CRADD: variants seen among roughly 807,000 people sequenced by gnomAD.
CRADD encodes the protein CARD and death domain containing adaptor protein.
Under a neutral mutation model 15.5 loss-of-function variants are expected in CRADD, and 9 were observed. The observed-to-expected ratio is 0.58, with a 90% CI of 0.35 to 1.01. The LOEUF is 1.01. CRADD is among the 50% of genes least tolerant of loss of function. CRADD has a pLI of 0.02. For synonymous variants in CRADD, 118 were observed against 107.6 expected, an observed-to-expected ratio of 1.10 and a Z score of -0.60; for missense variants, 227 against 250.3, an observed-to-expected ratio of 0.91 and a Z score of 0.63.
intron 2 of CRADD, among the ~76,000 whole-genome samples, chr12:93,687,438 C>G (rs960835813): frequency 6.6e-6 from 1 of 152,172 alleles, no homozygotes; most frequent in African/African-American, 2.4e-5. Flanking sequence ...TGCCCAGGCT[C>G]TACTCCAGGT....
At chr12:93,835,261 T>C (rs1488487413) in intron 2 of CRADD, among the ~76,000 whole-genome samples, 1 of 152,228 alleles carries the variant, frequency 6.6e-6, no homozygotes, top group East Asian at 1.9e-4. Context: ...TTATTCCCCT[T>C]AGAATTTTGG....
At chr12:93,844,686 C>A (rs1265369760) in intron 2 of CRADD, among the ~76,000 whole-genome samples, 2 of 152,214 alleles carry the variant, frequency 1.3e-5, no homozygotes, top group East Asian at 1.9e-4. Flanking sequence ...AGCAGAAACA[C>A]AGACACTCCC....
chr12:93,787,114 A>G (rs1034349074), intron 2 of CRADD, among the ~76,000 whole-genome samples: 6 of 148,648 alleles, frequency 4.0e-5, no homozygotes, highest in Admixed American at 2.7e-4. Context: ...AGCCCTTAGC[A>G]CATTCTGCTG....
At chr12:93,758,884 C>G (rs1956919656) in intron 2 of CRADD, among the ~76,000 whole-genome samples, 1 of 152,128 alleles carries the variant, frequency 6.6e-6, no homozygotes, top group Non-Finnish European at 1.5e-5. Context: ...AAACTTGAGG[C>G]TGGGACTGTT....
intron 2 of CRADD, among the ~76,000 whole-genome samples, chr12:93,858,575 A>G (rs979377354): frequency 2.0e-5 from 3 of 152,224 alleles, no homozygotes; most frequent in Non-Finnish European, 4.4e-5. Flanking sequence ...CCTCCAAAGC[A>G]GCCTCAGAAG....
chr12:93,749,855 C>T (rs1446533296), intron 2 of CRADD, among the ~76,000 whole-genome samples: 2 of 152,208 alleles, frequency 1.3e-5, no homozygotes, highest in Admixed American at 6.5e-5. Flanking sequence ...ATTTCAAGTC[C>T]GTTAGGGGCA....
At chr12:93,681,927 T>G (rs755473592) in intron 2 of CRADD, among the ~76,000 whole-genome samples, 11 of 152,162 alleles carry the variant, frequency 7.2e-5, no homozygotes, top group South Asian at 2.1e-4. Flanking sequence ...TTTGTGTGTG[T>G]GGGAAGGAAA....
chr12:93,889,486 C>T (rs536677302), intron 2 of CRADD, among the ~76,000 whole-genome samples: 7 of 152,158 alleles, frequency 4.6e-5, no homozygotes, highest in Non-Finnish European at 1.0e-4. Context: ...ATCTTTTCTA[C>T]CAGGCTCAGT....
chr12:93,862,861 T>C (rs980690591), intron 2 of CRADD, among the ~76,000 whole-genome samples: 4 of 152,078 alleles, frequency 2.6e-5, no homozygotes, highest in African/African-American at 9.7e-5. Flanking sequence ...AACCTTGGGG[T>C]GTAATGGGAA....
intron 2 of CRADD, among the ~76,000 whole-genome samples, chr12:93,772,521 A>T (rs1266217942): frequency 6.6e-6 from 1 of 152,258 alleles, no homozygotes; most frequent in Non-Finnish European, 1.5e-5. Context: ...CGGTCTTCTT[A>T]TCCCCAGAAT....
intron 2 of CRADD, among the ~76,000 whole-genome samples, chr12:93,698,742 C>T (rs1385784079): frequency 1.3e-5 from 2 of 152,130 alleles, no homozygotes; most frequent in Non-Finnish European, 2.9e-5. Context: ...TTATATCCTT[C>T]AGATGCTAAA....
intron 2 of CRADD, among the ~76,000 whole-genome samples, chr12:93,845,756 T>C (rs1958107138): frequency 6.6e-6 from 1 of 152,176 alleles, no homozygotes; most frequent in Admixed American, 6.5e-5. Context: ...AAAACAACAA[T>C]GGGATTCTTT....
intron 2 of CRADD, among the ~76,000 whole-genome samples, chr12:93,778,931 C>G (rs755601649): frequency 4.3e-4 from 65 of 152,256 alleles, no homozygotes; most frequent in Middle Eastern, 3.4e-3. Flanking sequence ...TTGCCAGCCC[C>G]TTTAGAAATT....
At chr12:93,776,125 C>A (rs1462576102) in intron 2 of CRADD, among the ~76,000 whole-genome samples, 1 of 152,084 alleles carries the variant, frequency 6.6e-6, no homozygotes, top group Non-Finnish European at 1.5e-5. Context: ...AATTTGATAT[C>A]TTTAATTAAT....
In CRADD at chr12:93,850,524, T is replaced by C. The variant is rs1958206493; in HGVS notation, c.*253T>C. 8.3e-7 allele frequency: 1 copy of C among 1,202,180 alleles called. No individual in the cohort carries two copies. The highest frequency in any genetic ancestry group is 4.4e-5 in the Admixed American group (1 of 22,570). The allele number at this position is 1,202,180 out of a possible 1,614,324, so 74.5% of individuals were successfully genotyped here. A position where few individuals can be genotyped will look rare whatever the true frequency, so the allele number is the denominator to read the frequency against. On this transcript the variant is annotated 3_prime_UTR_variant, in exon 3 of 3. Transcript: ENST00000332896. The surrounding 1 kb of genome is among the most constrained non-coding windows in gnomAD (Gnocchi z 4.0). Reference sequence around the variant, plus strand: ...TGCATTGTTGTAATTGTTCAGTTTTTAAATGTGTAATGGCATTTTAATAGA... The same window carrying C: ...TGCATTGTTGTAATTGTTCAGTTTTCAAATGTGTAATGGCATTTTAATAGA...
At chr12:93,872,693 T>G (rs188334603) in intron 2 of CRADD, among the ~76,000 whole-genome samples, 1 of 152,226 alleles carries the variant, frequency 6.6e-6, no homozygotes, top group Admixed American at 6.5e-5. Flanking sequence ...TCTTGGCACC[T>G]TTGTCAAAAA....
chr12:93,868,230 C>G (rs758721302), intron 2 of CRADD, among the ~76,000 whole-genome samples: 1 of 152,124 alleles, frequency 6.6e-6, no homozygotes, highest in Admixed American at 6.6e-5. Flanking sequence ...ATAACGAAAA[C>G]TGAACACAAC....
At chr12:93,703,561 C>T (rs1156402319) in intron 2 of CRADD, among the ~76,000 whole-genome samples, 1 of 151,858 alleles carries the variant, frequency 6.6e-6, no homozygotes, top group East Asian at 1.9e-4. Context: ...GAGGTTTTAC[C>T]ATGTTGTCCA....
At chr12:93,797,595 G>A (rs567683605) in intron 2 of CRADD, among the ~76,000 whole-genome samples, 42 of 152,164 alleles carry the variant, frequency 2.8e-4, no homozygotes, top group African/African-American at 9.9e-4. Context: ...CCCACATAAT[G>A]TCTGGGCCAC....
Sources: allele counts gnomAD v4.1 joint callset (sites outside exome capture counted in the v4.1 genomes callset), GRCh38; gene constraint gnomAD v4.1.1; non-coding constraint Gnocchi (gnomAD v3.1); transcripts MANE v1.5; gene names NCBI Gene and HGNC (gene_info 2026-07-23, HGNC 2026-07-21).